CSMD1: variants seen among roughly 807,000 people sequenced by gnomAD.
CSMD1 encodes CUB and Sushi multiple domains 1, also known as CUB and sushi domain-containing protein 1.
In CSMD1, 213 loss-of-function variants were observed where a neutral mutation model predicts 417.5. The observed-to-expected ratio is 0.51, with a 90% CI of 0.46 to 0.57. The LOEUF is 0.57. CSMD1 is among the 20% of genes least tolerant of loss of function. The pLI is 0.00. For missense variants in CSMD1, 6,923 were observed against 4,529.7 expected, an observed-to-expected ratio of 1.53 and a Z score of -15.17; for synonymous variants, 2,862 against 1,736.8, an observed-to-expected ratio of 1.65 and a Z score of -16.11.
At chr8:3,339,510 G>A (rs968482929) in intron 23 of CSMD1, among the ~76,000 whole-genome samples, 5 of 152,028 alleles carry the variant, frequency 3.3e-5, no homozygotes, top group Non-Finnish European at 5.9e-5. Flanking sequence ...CTCATCAGAG[G>A]GCCAATGGGA....
At chr8:4,413,620 A>C (rs533451030) in intron 3 of CSMD1, among the ~76,000 whole-genome samples, 43 of 152,312 alleles carry the variant, frequency 2.8e-4, no homozygotes, top group Admixed American at 6.5e-4. Flanking sequence ...ACGAATATTC[A>C]GTTGCACAAG....
intron 40 of CSMD1, among the ~76,000 whole-genome samples, chr8:3,149,368 T>C (rs1819051344): frequency 1.3e-5 from 2 of 152,244 alleles, no homozygotes. Context: ...GGAAGAATAA[T>C]ACAAAATACA....
intron 1 of CSMD1, among the ~76,000 whole-genome samples, chr8:4,686,384 C>T (rs920907808): frequency 6.6e-6 from 1 of 152,216 alleles, no homozygotes; most frequent in Non-Finnish European, 1.5e-5. Flanking sequence ...GAGAAAACTG[C>T]AGAGGCAGGA....
rs189115369 is a variant in CSMD1, at chr8:3,941,196, T to C, written c.818+56707A>G. 3.5e-3 allele frequency among the ~76,000 whole-genome samples: 526 copies of C among 152,228 alleles called. 3 individuals carry two copies. The highest frequency in any genetic ancestry group is 6.2e-3 in the South Asian group (30 of 4,828). The stretch of plus-strand genomic sequence containing the variant: ...TTCAGAATATTCAGTAAAATTTAAA[T>C]TGTGCTAGAGAACAATTCAAAAGTT... On this transcript the variant is annotated intron_variant, in intron 5 of 69. Transcript: ENST00000635120.
At chr8:4,295,157 CATATAATCTTAAGATT>C (rs1205687537) in intron 3 of CSMD1, among the ~76,000 whole-genome samples, 2 of 142,336 alleles carry the variant, frequency 1.4e-5, no homozygotes, top group African/African-American at 5.1e-5. Flanking sequence ...AGATTACGCA[CATATAATCTTAAGATT>C]ATATAATCTT....
chr8:3,053,406 C>A (rs147069239), intron 49 of CSMD1, among the ~76,000 whole-genome samples: 100 of 152,136 alleles, frequency 6.6e-4, no homozygotes, highest in African/African-American at 2.3e-3. Context: ...AAGAATCAGC[C>A]GCCTCAGCTC....
At chr8:3,890,613 T>C (rs1361459788) in intron 5 of CSMD1, among the ~76,000 whole-genome samples, 1 of 152,122 alleles carries the variant, frequency 6.6e-6, no homozygotes, top group Non-Finnish European at 1.5e-5. Flanking sequence ...GCACGTGGCA[T>C]ATTTTTCCGA....
chr8:4,751,049 C>A (rs1215775537), intron 1 of CSMD1, among the ~76,000 whole-genome samples: 1 of 152,140 alleles, frequency 6.6e-6, no homozygotes, highest in Non-Finnish European at 1.5e-5. Context: ...TCAGGAGGTT[C>A]CTCACACCAG....
intron 5 of CSMD1, among the ~76,000 whole-genome samples, chr8:3,917,583 G>C (rs1808915562): frequency 6.9e-6 from 1 of 145,474 alleles, no homozygotes; most frequent in African/African-American, 2.6e-5. Context: ...GCAACTAGTT[G>C]ACATAAAGTT....
At chr8:4,861,149 A>G (rs1240493749) in intron 1 of CSMD1, among the ~76,000 whole-genome samples, 1 of 152,162 alleles carries the variant, frequency 6.6e-6, no homozygotes, top group Non-Finnish European at 1.5e-5. Flanking sequence ...TGTTCGTTGA[A>G]CAAATACATA....
At chr8:3,658,293 G>A (rs963548694) in intron 7 of CSMD1, among the ~76,000 whole-genome samples, 2 of 151,900 alleles carry the variant, frequency 1.3e-5, no homozygotes, top group African/African-American at 2.4e-5. Flanking sequence ...TTGTATTTGT[G>A]TATAAACAAT....
intron 2 of CSMD1, among the ~76,000 whole-genome samples, chr8:4,459,385 T>A (rs1027341619): frequency 1.3e-5 from 2 of 152,158 alleles, no homozygotes; most frequent in African/African-American, 4.8e-5. Flanking sequence ...GAAACAAGAA[T>A]GTCAGTCCAG....
Position 4,768,551 on chromosome 8 carries a change from C to A in CSMD1, c.86-130993G>T, listed in dbSNP as rs75338421. Reference sequence around the variant, plus strand: ...TGGTAATCATTTGTTTGAGCCTCTTCTGTAGAAAATGCTTTGGATTGCACG... The same window carrying A: ...TGGTAATCATTTGTTTGAGCCTCTTATGTAGAAAATGCTTTGGATTGCACG... On this transcript the variant is annotated intron_variant, in intron 1 of 69. Transcript: ENST00000635120. 6.4e-3 allele frequency among the ~76,000 whole-genome samples: 975 copies of A among 152,294 alleles called. 5 individuals are homozygous for A. Among genetic ancestry groups the A allele is most frequent in the Middle Eastern group, 0.01 (3 of 294 alleles).
rs73660034 is a variant in CSMD1, at chr8:3,465,232, G to A, written c.1561+3480C>T. On this transcript the variant is annotated intron_variant, in intron 12 of 69. Transcript: ENST00000635120. ...ACTGTGATTTTCAGGGGATGCACAGGCCCTGGTTTTCATTTCTCCACCCTA... is the reference window on the plus strand; with the variant it reads ...ACTGTGATTTTCAGGGGATGCACAGACCCTGGTTTTCATTTCTCCACCCTA... Among the ~76,000 whole-genome samples, 434 of 152,194 alleles carry A rather than the reference G, an allele frequency of 2.9e-3. 6 individuals carry two copies. Among genetic ancestry groups the A allele is most frequent in the African/African-American group, 0.01 (418 of 41,544 alleles).
intron 41 of CSMD1, among the ~76,000 whole-genome samples, chr8:3,131,046 A>G (rs1330335055): frequency 6.6e-6 from 1 of 152,204 alleles, no homozygotes; most frequent in Admixed American, 6.5e-5. Flanking sequence ...AATCTGAACT[A>G]CTTTGGCATT....
At position 3,746,353 on chromosome 8, in the gene CSMD1, T is replaced by C. The variant is rs548401660; in HGVS notation, c.931+7577A>G. ...CCAGTCACTGCCAAGTATTAATCTG[T>C]TTTAAATAGCTGAGATTTACTGGAT... On this transcript the variant is annotated intron_variant, in intron 6 of 69. Coordinates refer to ENST00000635120, the MANE Select transcript of CSMD1 (RefSeq NM_033225.6). Among the ~76,000 whole-genome samples the C allele has an allele frequency of 6.2e-4, 94 of 152,340 alleles. 1 individual carries two copies. Among genetic ancestry groups the C allele is most frequent in the African/African-American group, 2.1e-3 (87 of 41,572 alleles).
At chr8:4,220,266 G>C (rs925279233) in intron 3 of CSMD1, among the ~76,000 whole-genome samples, 1 of 152,152 alleles carries the variant, frequency 6.6e-6, no homozygotes, top group African/African-American at 2.4e-5. Context: ...ATAACTTAGA[G>C]ATACTTGTCA....
chr8:3,029,615 G>C (rs1341222092), intron 50 of CSMD1, 102 bp from the exon 51 acceptor site: 1 of 939,370 alleles, frequency 1.1e-6, no homozygotes, highest in Non-Finnish European at 1.6e-6. Flanking sequence ...AACTGATCTT[G>C]TTTGGCAAAG....
At chr8:3,271,628 G>T (rs553167105) in intron 26 of CSMD1, among the ~76,000 whole-genome samples, 261 of 152,290 alleles carry the variant, frequency 1.7e-3, no homozygotes, top group Middle Eastern at 0.017. Context: ...ATTCCAACTG[G>T]TGTGAGATGG....
Sources: gnomAD v4.1 joint callset for allele counts (sites outside exome capture counted in the v4.1 genomes callset) on GRCh38, gnomAD v4.1.1 for gene constraint, MANE v1.5 for transcripts, NCBI Gene and HGNC (gene_info 2026-07-23, HGNC 2026-07-21) for gene names.